The following MKNK2 variants were observed in gnomAD, a reference collection of about 807,000 sequenced individuals.
MKNK2 encodes the protein MAP kinase-interacting serine/threonine-protein kinase 2.
A neutral mutation model predicts 55.0 loss-of-function variants in MKNK2; 54 were observed. The ratio of observed to expected loss-of-function variants is 0.98; its 90% CI spans 0.79 to 1.23. The LOEUF (loss-of-function observed/expected upper bound fraction) is 1.23. Among genes scored for constraint, MKNK2 ranks in the 50% most tolerant of loss-of-function variants. MKNK2 has a pLI of 0.00. For missense variants in MKNK2, 685 were observed against 632.1 expected, an observed-to-expected ratio of 1.08 and a Z score of -0.90; for synonymous variants, 323 against 256.0, an observed-to-expected ratio of 1.26 and a Z score of -2.50.
At chr19:2,040,241 G>A in intron 12 of MKNK2, 64 bp from the exon 13 acceptor site, 1 of 1,398,846 alleles carries the variant, frequency 7.1e-7, no homozygotes, top group South Asian at 1.4e-5. Context: ...GCGCTGGGTG[G>A]GGTGTCTGGC....
Position 2,038,544 on chromosome 19 carries a change from T to C in MKNK2, c.*1069A>G. On this transcript the variant is annotated 3_prime_UTR_variant, in exon 14 of 14. Transcript: ENST00000250896. ...AAGGGAGGCCGAGGCCGCAGCCGTTTTCCTGAAGGTGGCAGACCAAAAACA... is the reference window on the plus strand; with the variant it reads ...AAGGGAGGCCGAGGCCGCAGCCGTTCTCCTGAAGGTGGCAGACCAAAAACA... The C allele has an allele frequency of 1.0e-6, 1 of 985,602 alleles. No individual in the cohort carries two copies. The highest frequency in any genetic ancestry group is 1.2e-6 in the Non-Finnish European group (1 of 830,044). The allele number at this position is 985,602 out of a possible 1,614,324, so 61.1% of individuals were successfully genotyped here.
At position 2,037,809 on chromosome 19, in the gene MKNK2, AGGAG is replaced by A; in HGVS notation, c.*1800_*1803del. ...GTGGATGCGACAGGGGTGGGGAGGG[AGGAG>A]GAAGTGACTGTCCCACCTTCAGAAA... is the stretch of plus-strand genomic sequence containing the variant. On this transcript the variant is annotated 3_prime_UTR_variant, in exon 14 of 14. Coordinates refer to ENST00000250896, the MANE Select transcript of MKNK2 (RefSeq NM_199054.3). 1.3e-6 allele frequency: 2 copies of A among 1,585,272 alleles called. No homozygotes were observed. The highest frequency in any genetic ancestry group is 1.7e-6 in the Non-Finnish European group (2 of 1,161,826).
chr19:2,040,096 C>G lies in MKNK2; in HGVS notation c.1154+38G>C. 3.2e-6 allele frequency: 5 copies of G among 1,568,492 alleles called. No homozygotes were observed. The South Asian group carries it at 4.7e-5, about 15-fold the overall frequency. ...TGTCTTAACCTGGAAACCCCGCCCC[C>G]TGGACTCAGGGGTCCCGAGCACCCC... is the stretch of plus-strand genomic sequence containing the variant. On this transcript the variant is annotated intron_variant, in intron 13 of 13. Coordinates refer to ENST00000250896, the MANE Select transcript of MKNK2 (RefSeq NM_199054.3).
intron 10 of MKNK2, 103 bp downstream of exon 10, chr19:2,042,324 C>T: frequency 1.8e-6 from 2 of 1,091,544 alleles, no homozygotes; most frequent in African/African-American, 1.6e-5. Flanking sequence ...TAGGCGGAAG[C>T]CCGAGCTCCG....
Position 2,038,032 on chromosome 19 carries a change from C to A in MKNK2, c.*1581G>T, listed in dbSNP as rs892912794. ...GGAAAGGGGTGGGCGGAATGCCCCA[C>A]CCCCCCCAGGGGTCTTTGGAAGGGG... is the stretch of plus-strand genomic sequence containing the variant. On this transcript the variant is annotated 3_prime_UTR_variant, in exon 14 of 14. Transcript: ENST00000250896. 4 of 1,260,576 alleles carry A rather than the reference C, an allele frequency of 3.2e-6. No homozygotes were observed. The highest frequency in any genetic ancestry group is 4.1e-5 in the South Asian group (2 of 49,246). 78.1% of individuals were successfully genotyped at this position (1,260,576 alleles called of 1,614,324 possible).
chr19:2,037,889 C>A lies in MKNK2; in HGVS notation c.*1724G>T. The A allele has an allele frequency of 6.7e-7, 1 of 1,495,144 alleles. No individual in the cohort carries two copies. The highest frequency in any genetic ancestry group is 2.3e-5 in the East Asian group (1 of 42,716). 92.6% of individuals were successfully genotyped at this position (1,495,144 alleles called of 1,614,324 possible). On this transcript the variant is annotated 3_prime_UTR_variant, in exon 14 of 14. Coordinates refer to ENST00000250896, the MANE Select transcript of MKNK2 (RefSeq NM_199054.3). ...GCTGCTAGCCACTCAGCTTTAGAGA[C>A]CCGATGGCTATGGGCGCCTGCAGCG...
chr19:2,037,833 C>CAAA lies in MKNK2; in HGVS notation c.*1779_*1780insTTT, dbSNP rs779451929. The CAAA allele has an allele frequency of 6.6e-7, 1 of 1,506,058 alleles. No homozygotes were observed. The highest frequency in any genetic ancestry group is 9.0e-7 in the Non-Finnish European group (1 of 1,112,728). The allele number at this position is 1,506,058 out of a possible 1,614,324, so 93.3% of individuals were successfully genotyped here. On this transcript the variant is annotated 3_prime_UTR_variant, in exon 14 of 14. Transcript: ENST00000250896. ...GAGGAGGAAGTGACTGTCCCACCTT[C>CAAA]AGAAAAAAAAAAAAAAACAAACAAA... is the stretch of plus-strand genomic sequence containing the variant.
At position 2,038,552 on chromosome 19, in the gene MKNK2, G is replaced by A. The variant is rs2016804500; in HGVS notation, c.*1061C>T. 1 of 985,690 alleles carries A rather than the reference G, an allele frequency of 1.0e-6. No individual in the cohort carries two copies. The highest frequency in any genetic ancestry group is 1.2e-6 in the Non-Finnish European group (1 of 830,050). The allele number at this position is 985,690 out of a possible 1,614,324, so 61.1% of individuals were successfully genotyped here. A position where few individuals can be genotyped will look rare whatever the true frequency, so the allele number is the denominator to read the frequency against. ...CCGAGGCCGCAGCCGTTTTCCTGAA[G>A]GTGGCAGACCAAAAACACTGCCCTG... On this transcript the variant is annotated 3_prime_UTR_variant, in exon 14 of 14. Transcript: ENST00000250896.
chr19:2,048,373 G>A (rs563011116), intron 2 of MKNK2, among the ~76,000 whole-genome samples: 1 of 152,296 alleles, frequency 6.6e-6, no homozygotes, highest in South Asian at 2.1e-4. Context: ...AGAGCAAATG[G>A]CCCAGCGCAG....
chr19:2,043,443 G>A, intron 6 of MKNK2, 60 bp downstream of exon 6: 3 of 1,487,882 alleles, frequency 2.0e-6, no homozygotes, highest in Admixed American at 1.7e-5. Context: ...GTGGCACTCA[G>A]GCCCTTCATC....
At chr19:2,042,098 G>A (rs1307859150) in intron 10 of MKNK2, 64 bp from the exon 11 acceptor site, 1 of 1,374,312 alleles carries the variant, frequency 7.3e-7, no homozygotes, top group Non-Finnish European at 9.5e-7. Context: ...CCGAGCCCGG[G>A]TAACTGCGGG....
At position 2,040,185 on chromosome 19, in the gene MKNK2, G is replaced by C; in HGVS notation, c.1111-8C>G. On this transcript the variant is annotated splice_polypyrimidine_tract_variant and splice_region_variant and intron_variant, in intron 12 of 13. Transcript: ENST00000250896. ...GGTGTTCTCCGGGGCGCACTGCAACGAGAGTGGGCGGGGGCAGGGCTGGAG... is the reference window on the plus strand; with the variant it reads ...GGTGTTCTCCGGGGCGCACTGCAACCAGAGTGGGCGGGGGCAGGGCTGGAG... The C allele has an allele frequency of 6.4e-7, 1 of 1,573,988 alleles. No homozygotes were observed. Among genetic ancestry groups the C allele is most frequent in the Non-Finnish European group, 8.6e-7 (1 of 1,160,452 alleles).
Position 2,040,148 on chromosome 19 carries a change from G to T in MKNK2, c.1140C>A (p.Pro380=). The T allele has an allele frequency of 6.3e-7, 1 of 1,593,542 alleles. No homozygotes were observed. Among genetic ancestry groups the T allele is most frequent in the East Asian group, 2.3e-5 (1 of 44,134 alleles). ...GCAPENTLPT[P]MVLQRNSCAK... ...GCGGGCCTTACCTCTGCAGGACCAT[G>T]GGAGTGGGCAAGGTGTTCTCCGGGG... The change falls in exon 13 of 14, where the codon CCC becomes CCA. Residue 380 remains proline (P), a synonymous_variant. Coordinates refer to ENST00000250896, the MANE Select transcript of MKNK2 (RefSeq NM_199054.3).
chr19:2,037,771 C>G lies in MKNK2; in HGVS notation c.*1842G>C. The G allele has an allele frequency of 6.2e-7, 1 of 1,608,062 alleles. No individual in the cohort carries two copies. Among genetic ancestry groups the G allele is most frequent in the Non-Finnish European group, 8.5e-7 (1 of 1,176,766 alleles). On this transcript the variant is annotated 3_prime_UTR_variant, in exon 14 of 14. Coordinates refer to ENST00000250896, the MANE Select transcript of MKNK2 (RefSeq NM_199054.3). ...TTCACAGTAACGGTTCTGACCAGTC[C>G]TCCAGGTCGCACGTGGATGCGACAG...
intron 5 of MKNK2, among the ~76,000 whole-genome samples, chr19:2,045,105 G>C (rs948948327): frequency 6.6e-6 from 1 of 152,106 alleles, no homozygotes; most frequent in African/African-American, 2.4e-5. Context: ...CCAACTCCCG[G>C]ACGTCAGTGG....
At position 2,046,299 on chromosome 19, in the gene MKNK2, G is replaced by A. The variant is rs773412585; in HGVS notation, c.242-16C>T. On this transcript the variant is annotated splice_polypyrimidine_tract_variant and intron_variant, in intron 4 of 13. Transcript: ENST00000250896. ...TGGTAGACGTCTGCCGGGCAGCGGG[G>A]CGGGCGTGAGAGGGACCCTGGCTTT... 2 of 1,603,194 alleles carry A rather than the reference G, an allele frequency of 1.2e-6. No homozygotes were observed. Among genetic ancestry groups the A allele is most frequent in the Admixed American group, 3.3e-5 (2 of 60,012 alleles).
At chr19:2,039,972 G>A (rs2016840572) in intron 13 of MKNK2, 116 bp from the exon 14 acceptor site, 16 of 1,424,370 alleles carry the variant, frequency 1.1e-5, no homozygotes, top group Non-Finnish European at 1.4e-5. Flanking sequence ...CCCCACCCTG[G>A]GGCTCCTCTG....
intron 2 of MKNK2, among the ~76,000 whole-genome samples, chr19:2,050,553 G>C (rs1381938453): frequency 6.6e-6 from 1 of 152,182 alleles, no homozygotes; most frequent in Admixed American, 6.5e-5. Context: ...CCTGCTCCCA[G>C]CCTCACTTGG....
chr19:2,050,876 G>A lies in MKNK2; in HGVS notation c.-25C>T. ...TCTTCTGTCCGGGCCCCGCCAGCGG[G>A]GGAGGGGACCGAGGGCCCGGGGGGA... On this transcript the variant is annotated 5_prime_UTR_variant, in exon 2 of 14. Transcript: ENST00000250896. 7 of 1,508,292 alleles carry A rather than the reference G, an allele frequency of 4.6e-6. No homozygotes were observed. The highest frequency in any genetic ancestry group is 6.2e-6 in the Non-Finnish European group (7 of 1,128,990). The allele number at this position is 1,508,292 out of a possible 1,614,324, so 93.4% of individuals were successfully genotyped here.
Sources: gnomAD v4.1 joint callset for allele counts (sites outside exome capture counted in the v4.1 genomes callset) on GRCh38, gnomAD v4.1.1 for gene constraint, MANE v1.5 for transcripts, NCBI Gene and HGNC (gene_info 2026-07-23, HGNC 2026-07-21) for gene names.